Variants in ZSWIM5 observed in about 807,000 individuals in gnomAD.
The protein encoded by ZSWIM5 is zinc finger SWIM-type containing 5, also known as zinc finger SWIM domain-containing protein 5.
A neutral mutation model predicts 119.6 loss-of-function variants in ZSWIM5; 55 were observed. The observed-to-expected ratio is 0.46, with a 90% CI of 0.37 to 0.58. The LOEUF (loss-of-function observed/expected upper bound fraction) is 0.58, where lower values mean the gene tolerates loss of function less well. ZSWIM5 is among the 20% of genes least tolerant of loss of function. The pLI is 0.00. For missense variants in ZSWIM5, 1,193 were observed against 1,512.8 expected, an observed-to-expected ratio of 0.79 and a Z score of 3.51; for synonymous variants, 537 against 606.9, an observed-to-expected ratio of 0.88 and a Z score of 1.69.
intron 1 of ZSWIM5, among the ~76,000 whole-genome samples, chr1:45,187,593 A>T (rs1646067085): frequency 6.6e-6 from 1 of 152,152 alleles, no homozygotes; most frequent in Non-Finnish European, 1.5e-5. Flanking sequence ...CGAGAAAAAA[A>T]ATAAATTGTA....
chr1:45,107,015 C>A (rs1288602968), intron 1 of ZSWIM5, among the ~76,000 whole-genome samples: 1 of 152,192 alleles, frequency 6.6e-6, no homozygotes, highest in Admixed American at 6.5e-5. Context: ...TTGAAGACAG[C>A]ATACTCGTTA....
chr1:45,078,143 TC>T (rs1645266602), intron 2 of ZSWIM5, among the ~76,000 whole-genome samples: 1 of 152,192 alleles, frequency 6.6e-6, no homozygotes, highest in African/African-American at 2.4e-5. Context: ...GTCCATGAAA[TC>T]TTTACAATTT....
At chr1:45,106,305 G>A (rs1252821384) in intron 1 of ZSWIM5, among the ~76,000 whole-genome samples, 5 of 132,732 alleles carry the variant, frequency 3.8e-5, no homozygotes, top group Non-Finnish European at 7.9e-5. Flanking sequence ...CTGCCTGGCC[G>A]CCCATCGTCT....
At chr1:45,027,016 T>C (rs1434419173) in intron 11 of ZSWIM5, among the ~76,000 whole-genome samples, 2 of 151,590 alleles carry the variant, frequency 1.3e-5, no homozygotes, top group African/African-American at 4.8e-5. Flanking sequence ...TTGTTCAAAT[T>C]TTTTTTTTAT....
intron 1 of ZSWIM5, among the ~76,000 whole-genome samples, chr1:45,107,641 C>CAAA (rs931372052): frequency 2.3e-4 from 16 of 68,464 alleles, no homozygotes; most frequent in South Asian, 6.0e-4. Flanking sequence ...GACTCTGTCT[C>CAAA]AAAAAAAAAA....
chr1:45,184,778 T>C (rs939472485), intron 1 of ZSWIM5, among the ~76,000 whole-genome samples: 2 of 152,098 alleles, frequency 1.3e-5, no homozygotes, highest in Admixed American at 6.6e-5. Context: ...GAACATTCCA[T>C]GCTCATGGGT....
Position 45,060,026 on chromosome 1 carries a change from A to C in ZSWIM5, c.1101+73T>G, listed in dbSNP as rs1645143928. 3 of 1,552,196 alleles carry C rather than the reference A, an allele frequency of 1.9e-6. No individual in the cohort carries two copies. The South Asian group carries it at 3.5e-5, about 18-fold the overall frequency. On this transcript the variant is annotated intron_variant, in intron 3 of 13. Transcript: ENST00000359600. ...AGCTAGGTATAATGCATGAAGCCTG[A>C]AGTGTGGTGTGCCCAGTCTGACTTA...
rs145969444 is a variant in ZSWIM5 at position 45,033,926 on chromosome 1, G to A, written c.2449+386C>T. Among the ~76,000 whole-genome samples the A allele has an allele frequency of 3.0e-3, 460 of 151,468 alleles. 1 individual carries two copies. Among genetic ancestry groups the A allele is most frequent in the African/African-American group, 9.9e-3 (410 of 41,244 alleles). On this transcript the variant is annotated intron_variant, in intron 11 of 13. Coordinates refer to ENST00000359600, the MANE Select transcript of ZSWIM5 (RefSeq NM_020883.2). The stretch of plus-strand genomic sequence containing the variant: ...CACCCAGGCTGGAGTGCAGTGGCAC[G>A]ATCTTGGCTCACTGCAAGCTCTGCC...
In ZSWIM5 at chr1:45,205,921, C is replaced by G; in HGVS notation, c.430G>C (p.Gly144Arg). 6 of 1,099,924 alleles carry G rather than the reference C, an allele frequency of 5.5e-6. No individual in the cohort carries two copies. The highest frequency in any genetic ancestry group is 6.6e-6 in the Non-Finnish European group (6 of 904,066). 68.1% of individuals were successfully genotyped at this position (1,099,924 alleles called of 1,614,324 possible). The change falls in exon 1 of 14, where the codon GGG becomes CGG. Residue 144 changes from glycine to arginine, a missense_variant. Gly to Arg is a moderately radical substitution (Grantham distance 125). Transcript: ENST00000359600. ...PAEEGPQPPP[G>R]AAAPAGSAPG... ...GCGGAGCCGGCCGGAGCGGCGGCCC[C>G]GGGGGGTGGCTGCGGCCCCTCCTCG...
chr1:45,186,290 T>C (rs561974846), intron 1 of ZSWIM5, among the ~76,000 whole-genome samples: 89 of 148,590 alleles, frequency 6.0e-4, no homozygotes, highest in South Asian at 1.1e-3. Context: ...TTAGGAGATA[T>C]ACCTAATGCT....
At chr1:45,110,717 A>G (rs1175417491) in intron 1 of ZSWIM5, among the ~76,000 whole-genome samples, 1 of 152,220 alleles carries the variant, frequency 6.6e-6, no homozygotes, top group Non-Finnish European at 1.5e-5. Context: ...GCAAGTCTCT[A>G]CGGAAATAGT....
At chr1:45,145,674 A>C (rs1298585156) in intron 1 of ZSWIM5, among the ~76,000 whole-genome samples, 1 of 152,086 alleles carries the variant, frequency 6.6e-6, no homozygotes, top group Non-Finnish European at 1.5e-5. Context: ...GTGTAACTAC[A>C]ATGGGAGGGA....
At chr1:45,189,185 C>T (rs1461288004) in intron 1 of ZSWIM5, among the ~76,000 whole-genome samples, 2 of 152,056 alleles carry the variant, frequency 1.3e-5, no homozygotes, top group Non-Finnish European at 2.9e-5. Flanking sequence ...GATGGTAGTG[C>T]ACACCTACAA....
At chr1:45,085,988 T>TA (rs1018311903) in intron 2 of ZSWIM5, among the ~76,000 whole-genome samples, 7 of 152,136 alleles carry the variant, frequency 4.6e-5, no homozygotes, top group African/African-American at 1.4e-4. Flanking sequence ...TGCACTGCTA[T>TA]AAAAAAATAC....
At chr1:45,023,809 T>G (rs1444671870) in intron 11 of ZSWIM5, among the ~76,000 whole-genome samples, 1 of 152,346 alleles carries the variant, frequency 6.6e-6, no homozygotes, top group East Asian at 1.9e-4. Context: ...AAAGTAACTG[T>G]ACCATTTTGC....
intron 11 of ZSWIM5, among the ~76,000 whole-genome samples, chr1:45,023,985 C>T (rs1644904778): frequency 6.6e-6 from 1 of 152,122 alleles, no homozygotes; most frequent in Non-Finnish European, 1.5e-5. Flanking sequence ...ATTTCATATG[C>T]TTGTTTGATA....
intron 1 of ZSWIM5, among the ~76,000 whole-genome samples, chr1:45,146,820 C>G (rs1645764698): frequency 6.6e-6 from 1 of 152,048 alleles, no homozygotes. Flanking sequence ...TATGAATATG[C>G]TTTATAGTAC....
chr1:45,052,290 T>G (rs1211340538), intron 4 of ZSWIM5, among the ~76,000 whole-genome samples: 5 of 151,998 alleles, frequency 3.3e-5, no homozygotes, highest in Non-Finnish European at 7.4e-5. Flanking sequence ...CCTCCCAAAG[T>G]GCTGGGATTA....
intron 1 of ZSWIM5, among the ~76,000 whole-genome samples, chr1:45,107,198 G>T (rs1396900402): frequency 6.6e-6 from 1 of 151,168 alleles, no homozygotes; most frequent in Admixed American, 6.6e-5. Flanking sequence ...AAACACCCAA[G>T]AATGATCAAT....
Sources: allele counts gnomAD v4.1 joint callset (sites outside exome capture counted in the v4.1 genomes callset), GRCh38; gene constraint gnomAD v4.1.1; transcripts MANE v1.5; gene names NCBI Gene and HGNC (gene_info 2026-07-23, HGNC 2026-07-21).